JARID2: variants seen among roughly 807,000 people sequenced by gnomAD.
The protein encoded by JARID2 is protein Jumonji.
In JARID2, 21 loss-of-function variants were observed where a neutral mutation model predicts 125.6. The ratio of observed to expected loss-of-function variants is 0.17; its 90% CI spans 0.12 to 0.24. The LOEUF is 0.24. Ranked by LOEUF, JARID2 falls within the 10% of genes least tolerant of loss-of-function variation. The probability of loss-of-function intolerance (pLI) is 1.00; values close to 1 mark genes in which losing one functional copy is unlikely to be tolerated. For missense variants in JARID2, 1,303 were observed against 1,639.6 expected (o/e 0.79, Z 3.55); for synonymous variants, 736 against 661.6 (o/e 1.11, Z -1.73).
intron 1 of JARID2, among the ~76,000 whole-genome samples, chr6:15,347,472 T>C (rs1393366385): frequency 6.6e-6 from 1 of 152,196 alleles, no homozygotes. Flanking sequence ...CCTTCCCTGA[T>C]TCCTCACGTG....
At chr6:15,322,793 A>T (rs1762403400) in intron 1 of JARID2, among the ~76,000 whole-genome samples, 1 of 152,186 alleles carries the variant, frequency 6.6e-6, no homozygotes, top group Non-Finnish European at 1.5e-5. Flanking sequence ...AGTAGGGGAG[A>T]TTTCAGCATA....
chr6:15,306,486 C>T (rs893053101), intron 1 of JARID2, among the ~76,000 whole-genome samples: 2 of 151,864 alleles, frequency 1.3e-5, no homozygotes, highest in African/African-American at 4.8e-5. Context: ...AAACGCCTGC[C>T]ACACGCCCAG....
At chr6:15,440,225 CA>C (rs1320827675) in intron 3 of JARID2, among the ~76,000 whole-genome samples, 27 of 152,218 alleles carry the variant, frequency 1.8e-4, no homozygotes, top group African/African-American at 6.0e-4. Flanking sequence ...TGACCTCTTT[CA>C]ATTTAGTGCA....
At chr6:15,369,309 T>G (rs1347400019) in intron 1 of JARID2, 1 of 465,250 alleles carries the variant, frequency 2.1e-6, no homozygotes, top group South Asian at 1.5e-5. Flanking sequence ...TTTAGTAAAT[T>G]TTGTAAAAAA....
At chr6:15,412,575 T>G (rs1344737479) in intron 3 of JARID2, among the ~76,000 whole-genome samples, 1 of 152,196 alleles carries the variant, frequency 6.6e-6, no homozygotes, top group African/African-American at 2.4e-5. Context: ...AGTGCTGGGG[T>G]TATAGGCGTG....
At chr6:15,267,496 G>A (rs1286188917) in intron 1 of JARID2, among the ~76,000 whole-genome samples, 1 of 152,182 alleles carries the variant, frequency 6.6e-6, no homozygotes, top group African/African-American at 2.4e-5. Flanking sequence ...GTACAAGGAT[G>A]TTCTTAGAAT....
chr6:15,496,929 C>T lies in JARID2; in HGVS notation c.1704C>T (p.His568=), dbSNP rs775901625. Residue 568 remains histidine (H), a synonymous_variant, in exon 7 of 18, where the codon CAC becomes CAT. Coordinates refer to ENST00000341776, the MANE Select transcript of JARID2 (RefSeq NM_004973.4). The stretch of plus-strand genomic sequence containing the variant: ...TCAGGCCCTCCGCCAAGGAGTTCCA[C>T]GATCCGCTCATCTACATCGAGTCGG... ...PVLRPSAKEF[H]DPLIYIESVR... 3.7e-5 allele frequency: 60 copies of T among 1,602,778 alleles called. No homozygotes were observed. The Admixed American group carries it at 8.0e-4, about 21-fold the overall frequency.
At chr6:15,496,008 A>G in intron 6 of JARID2, 124 bp from the exon 7 acceptor site, 1 of 764,810 alleles carries the variant, frequency 1.3e-6, no homozygotes, top group African/African-American at 1.7e-5. Context: ...TTCTTATCAC[A>G]CTACAGGCTG....
chr6:15,437,119 T>C (rs552759380), intron 3 of JARID2, among the ~76,000 whole-genome samples: 7 of 152,168 alleles, frequency 4.6e-5, no homozygotes, highest in African/African-American at 7.2e-5. Context: ...CTTTTCTTCC[T>C]GGAAAGGTCC....
At chr6:15,319,418 A>G (rs889110336) in intron 1 of JARID2, among the ~76,000 whole-genome samples, 9 of 149,550 alleles carry the variant, frequency 6.0e-5, no homozygotes, top group African/African-American at 2.3e-4. Context: ...TTGGAGACAG[A>G]GTTTCCCTCA....
intron 1 of JARID2, among the ~76,000 whole-genome samples, chr6:15,292,869 A>G (rs1034396854): frequency 1.1e-4 from 17 of 151,954 alleles, no homozygotes; most frequent in African/African-American, 3.9e-4. Flanking sequence ...AGATCTTCCT[A>G]TGTTGTCTAA....
chr6:15,457,683 A>G (rs957355448), intron 4 of JARID2, among the ~76,000 whole-genome samples: 1 of 151,432 alleles, frequency 6.6e-6, no homozygotes, highest in Non-Finnish European at 1.5e-5. Context: ...TTTGGAAGAG[A>G]ATAAATCGTG....
intron 17 of JARID2, among the ~76,000 whole-genome samples, chr6:15,519,172 C>T (rs13195001): frequency 0.19 from 29,269 of 152,240 alleles, 3,213 homozygotes; most frequent in Non-Finnish European, 0.25. Flanking sequence ...ACTGCCGCTC[C>T]TCCTCACTTG....
intron 1 of JARID2, among the ~76,000 whole-genome samples, chr6:15,335,654 C>T (rs1762853339): frequency 6.6e-6 from 1 of 152,166 alleles, no homozygotes; most frequent in Non-Finnish European, 1.5e-5. Context: ...GGTGTCTTTT[C>T]TCCTAGTGTC....
chr6:15,504,244 C>T (rs536723327), intron 8 of JARID2, among the ~76,000 whole-genome samples: 43 of 152,366 alleles, frequency 2.8e-4, no homozygotes, highest in African/African-American at 9.1e-4. Context: ...GGCCTCTGGG[C>T]GGCAGCCTCT....
intron 3 of JARID2, among the ~76,000 whole-genome samples, chr6:15,444,169 T>C (rs1767564677): frequency 6.6e-6 from 1 of 152,148 alleles, no homozygotes; most frequent in Non-Finnish European, 1.5e-5. Context: ...TAACTCTGCT[T>C]ACAGAGCCAG....
chr6:15,253,375 T>C (rs1272089653), intron 1 of JARID2, among the ~76,000 whole-genome samples: 1 of 152,152 alleles, frequency 6.6e-6, no homozygotes, highest in African/African-American at 2.4e-5. Flanking sequence ...ATAAGGATTT[T>C]TAAAATGCAG....
chr6:15,324,076 G>A (rs1215706886), intron 1 of JARID2, among the ~76,000 whole-genome samples: 2 of 151,818 alleles, frequency 1.3e-5, no homozygotes, highest in Non-Finnish European at 2.9e-5. Flanking sequence ...CAGCTACTCA[G>A]GCTGAGGCAG....
chr6:15,517,054 C>T (rs923208931), intron 16 of JARID2, 107 bp from the exon 17 acceptor site: 50 of 761,250 alleles, frequency 6.6e-5, no homozygotes, highest in South Asian at 5.0e-4. Flanking sequence ...TACTCTGGCG[C>T]GGGCAGTGGG....
Sources: allele counts gnomAD v4.1 joint callset (sites outside exome capture counted in the v4.1 genomes callset), GRCh38; gene constraint gnomAD v4.1.1; transcripts MANE v1.5; gene names NCBI Gene and HGNC (gene_info 2026-07-23, HGNC 2026-07-21).